Variants in RXFP1 observed in about 807,000 individuals in gnomAD.
The protein encoded by RXFP1 is relaxin family peptide receptor 1.
In RXFP1, 73 loss-of-function variants were observed where a neutral mutation model predicts 89.8. That is an observed-to-expected ratio of 0.81 (90% CI 0.67 to 0.99). The LOEUF (loss-of-function observed/expected upper bound fraction) is 0.99, where lower values mean the gene tolerates loss of function less well. RXFP1 is among the 50% of genes least tolerant of loss of function. The pLI is 0.00. For synonymous variants in RXFP1, 277 were observed against 305.5 expected, an observed-to-expected ratio of 0.91 and a Z score of 0.97; for missense variants, 793 against 895.5, an observed-to-expected ratio of 0.89 and a Z score of 1.46.
chr4:158,618,341 CA>C (rs1288687840), intron 9 of RXFP1, among the ~76,000 whole-genome samples: 3 of 151,552 alleles, frequency 2.0e-5, no homozygotes, highest in African/African-American at 7.3e-5. Context: ...TATGCACAAG[CA>C]ATAATAAACC....
Position 158,645,130 on chromosome 4 carries a change from C to T in RXFP1, c.1337C>T (p.Ser446Phe). The T allele has an allele frequency of 6.2e-7, 1 of 1,609,616 alleles. No homozygotes were observed. Among genetic ancestry groups the T allele is most frequent in the Non-Finnish European group, 8.5e-7 (1 of 1,175,880 alleles). The change falls in exon 15 of 18, where the codon TCT becomes TTT. Residue 446 changes from serine to phenylalanine, a missense_variant. Physicochemically the swap from Ser to Phe is radical, Grantham distance 155. Transcript: ENST00000307765. ...AAGCTGTATGCCATGTCAATCATTT[C>T]TCTCTGCTGTGAGTATTTCCTGGTT... is the stretch of plus-strand genomic sequence containing the variant. ...ENKLYAMSIISLCCADCLMGI... is the reference protein window; with the variant it reads ...ENKLYAMSIIFLCCADCLMGI...
chr4:158,611,659 T>C (rs1271734984), intron 6 of RXFP1, among the ~76,000 whole-genome samples: 2 of 152,210 alleles, frequency 1.3e-5, no homozygotes, highest in Non-Finnish European at 2.9e-5. Context: ...TGTGCCTCTG[T>C]TTAGTAAAGC....
At chr4:158,543,774 C>A in intron 1 of RXFP1, 1 of 985,184 alleles carries the variant, frequency 1.0e-6, no homozygotes, top group East Asian at 1.1e-4. Flanking sequence ...CATCTCCCAC[C>A]TAGAATCAAA....
At chr4:158,584,940 G>A (rs1411267614) in intron 2 of RXFP1, among the ~76,000 whole-genome samples, 1 of 152,204 alleles carries the variant, frequency 6.6e-6, no homozygotes, top group Non-Finnish European at 1.5e-5. Context: ...AACGTTGGCA[G>A]ACATCTAATC....
intron 1 of RXFP1, among the ~76,000 whole-genome samples, chr4:158,560,064 T>C (rs1173673138): frequency 2.6e-5 from 4 of 152,242 alleles, no homozygotes; most frequent in Non-Finnish European, 5.9e-5. Flanking sequence ...CTTTTTCTCC[T>C]TCAGCTGCAT....
intron 1 of RXFP1, among the ~76,000 whole-genome samples, chr4:158,564,857 A>T (rs1753222880): frequency 6.6e-6 from 1 of 152,232 alleles, no homozygotes; most frequent in African/African-American, 2.4e-5. Context: ...CCATGCTAAA[A>T]AGGAAATGCT....
At chr4:158,616,145 G>C (rs1764522800) in intron 8 of RXFP1, among the ~76,000 whole-genome samples, 1 of 152,168 alleles carries the variant, frequency 6.6e-6, no homozygotes, top group Non-Finnish European at 1.5e-5. Context: ...AGGTGGGCCA[G>C]GTGCAGTGGC....
intron 2 of RXFP1, among the ~76,000 whole-genome samples, chr4:158,573,962 T>C (rs1027039789): frequency 1.3e-5 from 2 of 152,170 alleles, no homozygotes; most frequent in Admixed American, 6.5e-5. Context: ...AATATGTAAA[T>C]ACAACTTACT....
In RXFP1 at chr4:158,566,706, C is replaced by G. The variant is rs116371415; in HGVS notation, c.50-5992C>G. Among the ~76,000 whole-genome samples the G allele has an allele frequency of 5.8e-3, 883 of 152,368 alleles. 9 individuals are homozygous for G. The highest frequency in any genetic ancestry group is 0.02 in the African/African-American group (819 of 41,592). The stretch of plus-strand genomic sequence containing the variant: ...ATATCACTTTAAAATATTTAAGATT[C>G]CTGATATAGCTGTTGAATCATAATG... On this transcript the variant is annotated intron_variant, in intron 1 of 17. Coordinates refer to ENST00000307765, the MANE Select transcript of RXFP1 (RefSeq NM_021634.4).
At chr4:158,609,694 C>T (rs1459367600) in intron 6 of RXFP1, among the ~76,000 whole-genome samples, 1 of 152,168 alleles carries the variant, frequency 6.6e-6, no homozygotes, top group Non-Finnish European at 1.5e-5. Flanking sequence ...GAAGCCTTAA[C>T]AGTAACCACT....
In RXFP1 at chr4:158,587,128, G is replaced by A. The variant is rs375060039; in HGVS notation, c.188-6273G>A. Among the ~76,000 whole-genome samples the A allele has an allele frequency of 4.2e-4, 64 of 152,284 alleles. No homozygotes were observed. The South Asian group carries it at 0.013, about 32-fold the overall frequency. ...GATCCTGAGGTAGGTGGATGTGGCAGTAACAGGAACATGAACGTGGTGCAC... is the reference window on the plus strand; with the variant it reads ...GATCCTGAGGTAGGTGGATGTGGCAATAACAGGAACATGAACGTGGTGCAC... On this transcript the variant is annotated intron_variant, in intron 2 of 17. Transcript: ENST00000307765.
At chr4:158,547,592 T>C (rs1211824471) in intron 1 of RXFP1, among the ~76,000 whole-genome samples, 4 of 152,216 alleles carry the variant, frequency 2.6e-5, no homozygotes, top group Non-Finnish European at 5.9e-5. Flanking sequence ...CATTTAGTGC[T>C]ATAAATTTCC....
chr4:158,619,702 AC>A (rs1381906270), intron 9 of RXFP1, among the ~76,000 whole-genome samples: 2 of 152,166 alleles, frequency 1.3e-5, no homozygotes, highest in Non-Finnish European at 2.9e-5. Context: ...GTCTCAGGGA[AC>A]AAAAGCATCA....
intron 2 of RXFP1, among the ~76,000 whole-genome samples, chr4:158,576,722 C>T (rs1012199805): frequency 3.3e-5 from 5 of 151,824 alleles, no homozygotes; most frequent in Non-Finnish European, 7.4e-5. Context: ...CTAGGAAAAC[C>T]GGTATGCTAG....
chr4:158,639,068 G>C (rs984754687), intron 13 of RXFP1, among the ~76,000 whole-genome samples, 192 bp from the exon 14 acceptor site: 7 of 152,022 alleles, frequency 4.6e-5, no homozygotes, highest in African/African-American at 1.7e-4. Context: ...AAATAAGGAA[G>C]ATAATACGTG....
intron 6 of RXFP1, among the ~76,000 whole-genome samples, chr4:158,608,506 G>GA (rs1225824560): frequency 2.7e-5 from 4 of 150,358 alleles, no homozygotes; most frequent in Admixed American, 6.6e-5. Flanking sequence ...TGATGAAGAA[G>GA]AAAAAACCCA....
At chr4:158,612,493 T>A in intron 8 of RXFP1, 131 bp downstream of exon 8, 1 of 629,388 alleles carries the variant, frequency 1.6e-6, no homozygotes, top group Non-Finnish European at 2.7e-6. Context: ...AAAAACCTTT[T>A]CTTAATCATA....
Position 158,608,006 on chromosome 4 carries a change from A to G in RXFP1, c.499A>G (p.Ile167Val). ...LQNNKITSIS[I>V]YAFRGLNSLT... The stretch of plus-strand genomic sequence containing the variant: ...AAACAATAAGATTACATCCATCTCC[A>G]TCTATGCTTTCAGAGGACTGAATAG... The change falls in exon 6 of 18, where the codon ATC becomes GTC. Residue 167 changes from isoleucine (I) to valine (V), a missense_variant. Coordinates refer to ENST00000307765, the MANE Select transcript of RXFP1 (RefSeq NM_021634.4). 6.2e-7 allele frequency: 1 copy of G among 1,609,052 alleles called. No homozygotes were observed.
At chr4:158,532,536 A>G (rs1744309525) in intron 1 of RXFP1, among the ~76,000 whole-genome samples, 1 of 152,184 alleles carries the variant, frequency 6.6e-6, no homozygotes, top group Non-Finnish European at 1.5e-5. Flanking sequence ...GCAAACATCA[A>G]AATTGAGGAG....
Sources: gnomAD v4.1 joint callset for allele counts (sites outside exome capture counted in the v4.1 genomes callset) on GRCh38, gnomAD v4.1.1 for gene constraint, MANE v1.5 for transcripts, NCBI Gene and HGNC (gene_info 2026-07-23, HGNC 2026-07-21) for gene names.